The following ASB3 variants were observed in gnomAD, a reference collection of about 807,000 sequenced individuals.
ASB3 encodes ankyrin repeat and SOCS box containing 3, also known as ankyrin repeat and SOCS box protein 3.
A neutral mutation model predicts 54.5 loss-of-function variants in ASB3; 41 were observed. That is an observed-to-expected ratio of 0.75 (90% CI 0.59 to 0.98). ASB3 has a LOEUF of 0.98. ASB3 is among the 50% of genes least tolerant of loss of function. The pLI, the probability that ASB3 is intolerant of heterozygous loss-of-function variation, is 0.00. For synonymous variants in ASB3, 266 were observed against 221.2 expected, an observed-to-expected ratio of 1.20 and a Z score of -1.80; for missense variants, 733 against 620.0, an observed-to-expected ratio of 1.18 and a Z score of -1.94.
At chr2:53,731,843 G>C (rs1671336070) in intron 3 of ASB3, among the ~76,000 whole-genome samples, 1 of 152,138 alleles carries the variant, frequency 6.6e-6, no homozygotes, top group African/African-American at 2.4e-5. Context: ...TGTAGAGATA[G>C]CGTCTCACCA....
chr2:53,731,647 C>T (rs571400778), intron 3 of ASB3, among the ~76,000 whole-genome samples: 1 of 152,100 alleles, frequency 6.6e-6, no homozygotes, highest in Non-Finnish European at 1.5e-5. Flanking sequence ...ACAGTATCCA[C>T]GACAGTTTCT....
rs1415609678 is a variant in ASB3 at position 53,716,676 on chromosome 2, G to A, written c.672C>T (p.His224=). ...AGAGCAAAAGCTCCACACATTTTGT[G>A]TGTCCCTCTTGAGCAGCAATGAACA... is the stretch of plus-strand genomic sequence containing the variant. The part of the protein sequence containing the change: ...TPLFIAAQEG[H]TKCVELLLSS... The change falls in exon 6 of 10, where the codon CAC becomes CAT. Residue 224 remains histidine (H), a synonymous_variant. Coordinates refer to ENST00000263634, the MANE Select transcript of ASB3 (RefSeq NM_016115.5). 2 of 1,614,020 alleles carry A rather than the reference G, an allele frequency of 1.2e-6. No homozygotes were observed. The highest frequency in any genetic ancestry group is 1.7e-6 in the Non-Finnish European group (2 of 1,180,018).
intron 7 of ASB3, among the ~76,000 whole-genome samples, chr2:53,709,328 C>A (rs2103809693): frequency 6.6e-6 from 1 of 152,336 alleles, no homozygotes. Context: ...ATGGTGTTAA[C>A]CCTGTGGGTG....
chr2:53,747,406 C>T (rs1257232805), intron 3 of ASB3, among the ~76,000 whole-genome samples: 14 of 152,052 alleles, frequency 9.2e-5, no homozygotes, highest in Non-Finnish European at 1.5e-4. Context: ...ATTAGCCAGG[C>T]GTGGTGGCGG....
At chr2:53,681,953 T>A (rs536965325) in intron 9 of ASB3, among the ~76,000 whole-genome samples, 1 of 151,616 alleles carries the variant, frequency 6.6e-6, no homozygotes, top group Non-Finnish European at 1.5e-5. Flanking sequence ...AAGTCAGGAG[T>A]TCGAGACCAG....
intron 7 of ASB3, among the ~76,000 whole-genome samples, chr2:53,702,719 G>A (rs183407776): frequency 2.6e-5 from 4 of 152,180 alleles, no homozygotes; most frequent in East Asian, 3.9e-4. Context: ...CTACCACTCC[G>A]CTCCTTGAAG....
rs17045201 is a variant in ASB3, at chr2:53,766,923, T to G, written c.-13-1338A>C. ...AAATCTTCAAGAAAGAACAATCACTTGGTAAGGTTTCTGTTTTCACACACA... is the reference window on the plus strand; with the variant it reads ...AAATCTTCAAGAAAGAACAATCACTGGGTAAGGTTTCTGTTTTCACACACA... On this transcript the variant is annotated intron_variant, in intron 1 of 9. Transcript: ENST00000263634. 5.4e-3 allele frequency among the ~76,000 whole-genome samples: 820 copies of G among 152,246 alleles called. 13 individuals are homozygous for G. The highest frequency in any genetic ancestry group is 0.019 in the African/African-American group (774 of 41,538).
chr2:53,727,048 G>A (rs1236856875), intron 5 of ASB3, among the ~76,000 whole-genome samples: 3 of 152,176 alleles, frequency 2.0e-5, no homozygotes, highest in East Asian at 3.9e-4. Context: ...AAGGTATGAT[G>A]TAGTAGAAGG....
At chr2:53,730,237 A>C (rs189423613) in intron 3 of ASB3, among the ~76,000 whole-genome samples, 132 of 152,346 alleles carry the variant, frequency 8.7e-4, no homozygotes, top group Admixed American at 1.5e-3. Flanking sequence ...GAATGCCAGA[A>C]TAGAATTACA....
At position 53,700,509 on chromosome 2, in the gene ASB3, C is replaced by T; in HGVS notation, c.1000G>A (p.Val334Met). 2 of 1,610,906 alleles carry T rather than the reference C, an allele frequency of 1.2e-6. No homozygotes were observed. Among genetic ancestry groups the T allele is most frequent in the Non-Finnish European group, 1.7e-6 (2 of 1,178,950 alleles). ...FQKDCEFFGI[V>M]NILLKYGAQI... is the part of the protein sequence containing the mutation. ...GCTCCATATTTCAAAAGAATGTTCA[C>T]AATTCCAAAGAACTCACAGCTCCAC... is the stretch of plus-strand genomic sequence containing the variant. Residue 334 changes from valine (V) to methionine (M), a missense_variant, in exon 8 of 10, where the codon GTG becomes ATG. Coordinates refer to ENST00000263634, the MANE Select transcript of ASB3 (RefSeq NM_016115.5).
At chr2:53,729,421 A>G in intron 4 of ASB3, 37 bp downstream of exon 4, 1 of 1,606,406 alleles carries the variant, frequency 6.2e-7, no homozygotes, top group Middle Eastern at 1.7e-4. Flanking sequence ...AAAACACACA[A>G]TTTACATGGA....
chr2:53,679,609 C>A (rs1407017539), intron 9 of ASB3, among the ~76,000 whole-genome samples: 1 of 152,174 alleles, frequency 6.6e-6, no homozygotes, highest in African/African-American at 2.4e-5. Context: ...TAAACTGAGA[C>A]CCTCTTGATC....
chr2:53,747,896 T>C (rs1472666820), intron 3 of ASB3, among the ~76,000 whole-genome samples: 3 of 152,238 alleles, frequency 2.0e-5, no homozygotes, highest in Non-Finnish European at 4.4e-5. Flanking sequence ...CACTGGGGGA[T>C]ATAGCACATA....
At chr2:53,750,504 C>A (rs182837388) in intron 3 of ASB3, among the ~76,000 whole-genome samples, 1 of 152,104 alleles carries the variant, frequency 6.6e-6, no homozygotes, top group African/African-American at 2.4e-5. Context: ...GATACCTGGT[C>A]TTCAGAACTA....
intron 1 of ASB3, chr2:53,771,899 T>C (rs776312462): frequency 1.3e-6 from 2 of 1,558,000 alleles, no homozygotes; most frequent in African/African-American, 1.4e-5. Flanking sequence ...TTTACCTTTT[T>C]AAAACAGCCT....
At chr2:53,741,296 G>T (rs1272182979) in intron 3 of ASB3, among the ~76,000 whole-genome samples, 1 of 152,224 alleles carries the variant, frequency 6.6e-6, no homozygotes, top group African/African-American at 2.4e-5. Flanking sequence ...TAACAATCCA[G>T]TTTGATAGCC....
intron 8 of ASB3, among the ~76,000 whole-genome samples, chr2:53,694,882 T>C (rs933702378): frequency 6.6e-6 from 1 of 152,144 alleles, no homozygotes; most frequent in Non-Finnish European, 1.5e-5. Flanking sequence ...TAAAGTATTA[T>C]ACGAAAAATT....
At chr2:53,706,865 C>A (rs1669802636) in intron 7 of ASB3, among the ~76,000 whole-genome samples, 1 of 152,218 alleles carries the variant, frequency 6.6e-6, no homozygotes, top group African/African-American at 2.4e-5. Context: ...CATCCATTCT[C>A]ACAATCTGGT....
chr2:53,745,064 A>G (rs1011221113), intron 3 of ASB3, among the ~76,000 whole-genome samples: 5 of 152,204 alleles, frequency 3.3e-5, no homozygotes, highest in Non-Finnish European at 2.9e-5. Flanking sequence ...CAATTTAGCA[A>G]TGTTTTCTAA....
Sources: gnomAD v4.1 joint callset for allele counts (sites outside exome capture counted in the v4.1 genomes callset) on GRCh38, gnomAD v4.1.1 for gene constraint, MANE v1.5 for transcripts, NCBI Gene and HGNC (gene_info 2026-07-23, HGNC 2026-07-21) for gene names.